PKNOX2: variants seen among roughly 807,000 people sequenced by gnomAD.
The protein encoded by PKNOX2 is PBX/knotted 1 homeobox 2.
Under a neutral mutation model 53.1 loss-of-function variants are expected in PKNOX2, and 14 were observed. That is an observed-to-expected ratio of 0.26 (90% CI 0.17 to 0.41). The LOEUF (loss-of-function observed/expected upper bound fraction) is 0.41. Ranked by LOEUF, PKNOX2 falls within the 10% of genes least tolerant of loss-of-function variation. The pLI is 1.00. For missense variants in PKNOX2, 496 were observed against 602.8 expected, an observed-to-expected ratio of 0.82 and a Z score of 1.85; for synonymous variants, 257 against 242.8, an observed-to-expected ratio of 1.06 and a Z score of -0.54.
chr11:125,263,293 G>A (rs1002089726), intron 2 of PKNOX2, among the ~76,000 whole-genome samples: 1 of 152,216 alleles, frequency 6.6e-6, no homozygotes, highest in Admixed American at 6.5e-5. Context: ...TGCCAGGGCA[G>A]GCTCAGCCGC....
chr11:125,173,731 T>G (rs958099514), intron 1 of PKNOX2, among the ~76,000 whole-genome samples: 7 of 152,188 alleles, frequency 4.6e-5, no homozygotes. Flanking sequence ...GCAGCGAGGC[T>G]GCAGTGTGGC....
At chr11:125,222,735 GTGTC>G (rs1373991418) in intron 1 of PKNOX2, among the ~76,000 whole-genome samples, 1 of 150,274 alleles carries the variant, frequency 6.7e-6, no homozygotes, top group East Asian at 2.0e-4. Context: ...GTATGTGTGT[GTGTC>G]TGTGTCTGTG....
At chr11:125,363,290 T>G (rs1952019537) in intron 4 of PKNOX2, among the ~76,000 whole-genome samples, 1 of 152,250 alleles carries the variant, frequency 6.6e-6, no homozygotes, top group Non-Finnish European at 1.5e-5. Context: ...CCCCAGGGAA[T>G]GCTGCCTCCT....
chr11:125,420,323 C>T (rs200747637), intron 10 of PKNOX2, among the ~76,000 whole-genome samples: 1 of 151,340 alleles, frequency 6.6e-6, no homozygotes, highest in Non-Finnish European at 1.5e-5. Context: ...GTCAGGAGAT[C>T]GAGACCATCC....
chr11:125,234,193 C>T (rs562458252), intron 1 of PKNOX2, among the ~76,000 whole-genome samples: 9 of 152,316 alleles, frequency 5.9e-5, no homozygotes, highest in Admixed American at 5.2e-4. Flanking sequence ...CTCTTGCAGA[C>T]TTCATGTCTC....
At chr11:125,204,379 T>G (rs1346097381) in intron 1 of PKNOX2, among the ~76,000 whole-genome samples, 1 of 152,214 alleles carries the variant, frequency 6.6e-6, no homozygotes, top group Non-Finnish European at 1.5e-5. Flanking sequence ...GCTGAGATTC[T>G]GTGTTGAACA....
chr11:125,233,820 G>T (rs766653149), intron 1 of PKNOX2, among the ~76,000 whole-genome samples: 2 of 152,248 alleles, frequency 1.3e-5, no homozygotes, highest in Non-Finnish European at 2.9e-5. Flanking sequence ...TAAAGGGAAA[G>T]TGCTAAAGAT....
intron 7 of PKNOX2, among the ~76,000 whole-genome samples, chr11:125,402,377 C>T (rs983105891): frequency 2.6e-5 from 4 of 152,206 alleles, no homozygotes; most frequent in East Asian, 3.9e-4. Flanking sequence ...TCCTAGAGGG[C>T]GCAAATGGAA....
chr11:125,378,409 C>G (rs1206255865), intron 5 of PKNOX2, among the ~76,000 whole-genome samples: 1 of 152,226 alleles, frequency 6.6e-6, no homozygotes, highest in African/African-American at 2.4e-5. Flanking sequence ...CCCATGCCTT[C>G]CACCTCTGGA....
At chr11:125,235,349 G>A (rs903811230) in intron 2 of PKNOX2, among the ~76,000 whole-genome samples, 3 of 152,188 alleles carry the variant, frequency 2.0e-5, no homozygotes, top group African/African-American at 7.2e-5. Context: ...GCATTAAGGT[G>A]GACTTGATGT....
At chr11:125,189,399 GTGTGTATATATATA>G (rs1956660393) in intron 1 of PKNOX2, among the ~76,000 whole-genome samples, 2 of 40,266 alleles carry the variant, frequency 5.0e-5, no homozygotes, top group African/African-American at 1.3e-4. Context: ...ATATATATAT[GTGTGTATATATATA>G]TGTGTGTGTG....
chr11:125,431,587 G>A lies in PKNOX2; in HGVS notation c.*195G>A. ...CCACCGAGCTTCAATGAGGACCCCA[G>A]CCCCACTTCCCTGGAACTGCCGAGG... is the stretch of plus-strand genomic sequence containing the variant. On this transcript the variant is annotated 3_prime_UTR_variant, in exon 13 of 13. Coordinates refer to ENST00000298282, the MANE Select transcript of PKNOX2 (RefSeq NM_001382323.2). The A allele has an allele frequency of 1.6e-6, 1 of 639,522 alleles. No homozygotes were observed. Among genetic ancestry groups the A allele is most frequent in the South Asian group, 2.0e-5 (1 of 49,846 alleles). The allele number at this position is 639,522 out of a possible 1,614,324, so 39.6% of individuals were successfully genotyped here.
chr11:125,293,679 G>A lies in PKNOX2; in HGVS notation c.-129-38140G>A, dbSNP rs77752642. 4.8e-3 allele frequency among the ~76,000 whole-genome samples: 735 copies of A among 152,118 alleles called. 9 individuals carry two copies. The highest frequency in any genetic ancestry group is 0.017 in the African/African-American group (689 of 41,490). On this transcript the variant is annotated intron_variant, in intron 2 of 12. Transcript: ENST00000298282. ...TAAACTCAGGGAAGAATCAGGCCGC[G>A]TTGATGATCAGCCTCATGTGAAGTT... is the stretch of plus-strand genomic sequence containing the variant.
At chr11:125,308,727 C>G (rs1352945645) in intron 2 of PKNOX2, among the ~76,000 whole-genome samples, 1 of 152,160 alleles carries the variant, frequency 6.6e-6, no homozygotes, top group African/African-American at 2.4e-5. Context: ...AGAGGCTTTT[C>G]TTGTCTCCTA....
chr11:125,184,613 C>A (rs1318039593), intron 1 of PKNOX2, among the ~76,000 whole-genome samples: 1 of 152,212 alleles, frequency 6.6e-6, no homozygotes, highest in Non-Finnish European at 1.5e-5. Flanking sequence ...TCTAGGGGAG[C>A]ATAGCCTGCA....
At chr11:125,318,232 C>T (rs146788346) in intron 2 of PKNOX2, among the ~76,000 whole-genome samples, 8,894 of 151,628 alleles carry the variant, frequency 0.059, 361 homozygotes, top group Non-Finnish European at 0.095. Context: ...TCAGCCTCCT[C>T]AGTAGCTGGG....
At chr11:125,338,474 G>T (rs557283544) in intron 3 of PKNOX2, among the ~76,000 whole-genome samples, 6 of 152,150 alleles carry the variant, frequency 3.9e-5, no homozygotes, top group Non-Finnish European at 7.3e-5. Context: ...TGCCCTTGGG[G>T]AGTCATCTTA....
At chr11:125,388,693 C>T (rs1337767394) in intron 6 of PKNOX2, among the ~76,000 whole-genome samples, 1 of 152,102 alleles carries the variant, frequency 6.6e-6, no homozygotes, top group African/African-American at 2.4e-5. Context: ...AAATCCTCCC[C>T]ATCCCCAGCT....
chr11:125,371,285 G>A (rs1360743068), intron 5 of PKNOX2, among the ~76,000 whole-genome samples: 1 of 152,074 alleles, frequency 6.6e-6, no homozygotes, highest in African/African-American at 2.4e-5. Context: ...CACTGAGAGG[G>A]GGTCCAAAGA....
Sources: allele counts gnomAD v4.1 joint callset (sites outside exome capture counted in the v4.1 genomes callset), GRCh38; gene constraint gnomAD v4.1.1; transcripts MANE v1.5; gene names NCBI Gene and HGNC (gene_info 2026-07-23, HGNC 2026-07-21).